The following ADK variants were observed in gnomAD, a reference collection of about 807,000 sequenced individuals.
ADK encodes the protein N6,N6-dimethyladenosine kinase.
ADK carries 24 observed loss-of-function variants against 44.7 expected under a neutral mutation model. The ratio of observed to expected loss-of-function variants is 0.54; its 90% CI spans 0.39 to 0.76. ADK has a LOEUF of 0.76. Among genes scored for constraint, ADK ranks in the 30% least tolerant of loss-of-function variants. The probability of loss-of-function intolerance (pLI) is 0.00; values close to 1 mark genes in which losing one functional copy is unlikely to be tolerated. For missense variants in ADK, 321 were observed against 425.1 expected, an observed-to-expected ratio of 0.76 and a Z score of 2.15; for synonymous variants, 128 against 142.6, an observed-to-expected ratio of 0.90 and a Z score of 0.73.
At position 74,300,268 on chromosome 10, in the gene ADK, T is replaced by TC. The variant is rs1839967828; in HGVS notation, c.195-14399_195-14398insC. Among the ~76,000 whole-genome samples, 6 of 32,776 alleles carry TC rather than the reference T, an allele frequency of 1.8e-4. 1 individual carries two copies. The highest frequency in any genetic ancestry group is 5.1e-4 in the African/African-American group (5 of 9,848). The allele number at this position is 32,776 out of a possible 152,430, so 21.5% of individuals were successfully genotyped here. On this transcript the variant is annotated intron_variant, in intron 3 of 10. Transcript: ENST00000539909. The stretch of plus-strand genomic sequence containing the variant: ...TCTCTCTCTCTCCTTGTTTCCTTCC[T>TC]TCCTTCCTTCCTTCCTTCCTTCCTT...
At chr10:74,167,978 G>A (rs1207463447) in intron 1 of ADK, among the ~76,000 whole-genome samples, 1 of 152,082 alleles carries the variant, frequency 6.6e-6, no homozygotes, top group African/African-American at 2.4e-5. Context: ...ATTTTTCCAT[G>A]GAATACTGAG....
At chr10:74,177,946 T>TATA (rs1554825917) in intron 1 of ADK, among the ~76,000 whole-genome samples, 28 of 32,232 alleles carry the variant, frequency 8.7e-4, no homozygotes, top group African/African-American at 2.0e-3. Context: ...TATATATATA[T>TATA]TTTTTTTTTT....
intron 6 of ADK, among the ~76,000 whole-genome samples, chr10:74,406,526 TAAGAAGAAGAAGAAGAAGAAG>T (rs57627124): frequency 1.0e-4 from 14 of 136,126 alleles, no homozygotes; most frequent in South Asian, 2.5e-4. Flanking sequence ...ATAATAATAA[TAAGAAGAAGAAGAAGAAGAAG>T]AAGAAGAAGA....
chr10:74,705,410 C>T (rs902447237), intron 10 of ADK, among the ~76,000 whole-genome samples: 2 of 152,162 alleles, frequency 1.3e-5, no homozygotes, highest in African/African-American at 2.4e-5. Context: ...GCATAATAGA[C>T]ATACAATAAA....
intron 1 of ADK, among the ~76,000 whole-genome samples, chr10:74,190,733 G>A (rs1002728067): frequency 6.6e-6 from 1 of 152,170 alleles, no homozygotes; most frequent in Non-Finnish European, 1.5e-5. Context: ...ATGGGACTTT[G>A]AAGGAACTCT....
intron 9 of ADK, among the ~76,000 whole-genome samples, chr10:74,631,424 T>G (rs1311375021): frequency 7.4e-6 from 1 of 134,338 alleles, no homozygotes; most frequent in East Asian, 2.0e-4. Flanking sequence ...TTTTGTTTTG[T>G]TTTTTTTTTT....
Position 74,589,343 on chromosome 10 carries a change from A to C in ADK, c.762+26A>C, listed in dbSNP as rs368211835. Reference sequence around the variant, plus strand: ...GTGAGTTAACCCACAATTGCACACTAAACAGATCCTAAAGGTTTTTTCTAG... The same window carrying C: ...GTGAGTTAACCCACAATTGCACACTCAACAGATCCTAAAGGTTTTTTCTAG... On this transcript the variant is annotated intron_variant, in intron 8 of 10. Coordinates refer to ENST00000539909, the MANE Select transcript of ADK (RefSeq NM_006721.4). 151 of 1,612,294 alleles carry C rather than the reference A, an allele frequency of 9.4e-5. No individual in the cohort carries two copies. The Admixed American group carries it at 1.2e-3, about 13-fold the overall frequency.
At chr10:74,234,938 C>T (rs1242916894) in intron 3 of ADK, among the ~76,000 whole-genome samples, 1 of 152,010 alleles carries the variant, frequency 6.6e-6, no homozygotes, top group Non-Finnish European at 1.5e-5. Flanking sequence ...ACTTTGTACA[C>T]ACAAAGTTTT....
At chr10:74,572,435 C>G (rs1365105647) in intron 7 of ADK, among the ~76,000 whole-genome samples, 2 of 152,178 alleles carry the variant, frequency 1.3e-5, no homozygotes, top group Non-Finnish European at 2.9e-5. Context: ...CTGCCCTTAA[C>G]ATTTTTTCCT....
rs1842038707 is a variant in ADK, at chr10:74,166,585, G to A, written c.65+15242G>A. ...TCTGCCCACGTTGGCTACTCAGGAG[G>A]CTGAGGTAGGAGAATCGCTTGAACT... On this transcript the variant is annotated intron_variant, in intron 1 of 10. Transcript: ENST00000539909. Among the ~76,000 whole-genome samples, 4 of 151,834 alleles carry A rather than the reference G, an allele frequency of 2.6e-5. No homozygotes were observed. The South Asian group carries it at 8.3e-4, about 32-fold the overall frequency.
At chr10:74,575,783 T>C (rs76620356) in intron 7 of ADK, among the ~76,000 whole-genome samples, 177 of 152,226 alleles carry the variant, frequency 1.2e-3, no homozygotes, top group Middle Eastern at 3.4e-3. Flanking sequence ...AGAGTTGATA[T>C]TTAGGAGGAT....
chr10:74,384,340 G>A (rs556791941), intron 4 of ADK, among the ~76,000 whole-genome samples: 7 of 152,124 alleles, frequency 4.6e-5, no homozygotes, highest in Non-Finnish European at 1.0e-4. Flanking sequence ...TTAATTCTAT[G>A]ATAGGAATGA....
intron 1 of ADK, among the ~76,000 whole-genome samples, chr10:74,174,074 G>A (rs565454271): frequency 1.3e-5 from 2 of 151,790 alleles, no homozygotes; most frequent in South Asian, 2.1e-4. Context: ...AGGCTGAGGT[G>A]GGCGGATCAC....
intron 6 of ADK, among the ~76,000 whole-genome samples, chr10:74,469,514 C>T (rs1269064343): frequency 1.3e-5 from 2 of 151,984 alleles, no homozygotes; most frequent in African/African-American, 4.8e-5. Flanking sequence ...AGGCACACAC[C>T]ACCTCACCCA....
chr10:74,382,959 C>G (rs898436256), intron 4 of ADK, among the ~76,000 whole-genome samples: 2 of 151,628 alleles, frequency 1.3e-5, no homozygotes, highest in African/African-American at 4.9e-5. Flanking sequence ...GATTTTCCCC[C>G]CCTCCTCTCA....
Position 74,173,182 on chromosome 10 carries a change from T to A in ADK, c.65+21839T>A, listed in dbSNP as rs1842217339. Among the ~76,000 whole-genome samples, 9 of 151,206 alleles carry A rather than the reference T, an allele frequency of 6.0e-5. 1 individual carries two copies. In the South Asian group the frequency reaches 1.9e-3, roughly 32 times the overall value. On this transcript the variant is annotated intron_variant, in intron 1 of 10. Transcript: ENST00000539909. ...ATCTCTGCTCACTGCAAGCTCCACC[T>A]TGGGTTCACACCATTCTCCTGCCTC...
At chr10:74,371,390 A>G (rs1842652776) in intron 4 of ADK, 4 of 578,298 alleles carry the variant, frequency 6.9e-6, no homozygotes, top group South Asian at 6.7e-5. Flanking sequence ...TGTAGATAAC[A>G]TGATCTTATA....
chr10:74,292,355 C>T (rs1411932047), intron 3 of ADK, among the ~76,000 whole-genome samples: 2 of 152,174 alleles, frequency 1.3e-5, no homozygotes, highest in African/African-American at 2.4e-5. Flanking sequence ...TTTGTCAAAT[C>T]TCTATCCTTT....
chr10:74,345,788 T>C (rs1304788445), intron 4 of ADK, among the ~76,000 whole-genome samples: 1 of 152,250 alleles, frequency 6.6e-6, no homozygotes, highest in Admixed American at 6.5e-5. Flanking sequence ...TTTCATAAAA[T>C]GTATTCTAGT....
Sources: gnomAD v4.1 joint callset for allele counts (sites outside exome capture counted in the v4.1 genomes callset) on GRCh38, gnomAD v4.1.1 for gene constraint, MANE v1.5 for transcripts, NCBI Gene and HGNC (gene_info 2026-07-23, HGNC 2026-07-21) for gene names.